Variants in FGF14 observed in about 807,000 individuals in gnomAD.
The protein encoded by FGF14 is fibroblast growth factor 14.
In FGF14, 5 loss-of-function variants were observed where a neutral mutation model predicts 25.5. That is an observed-to-expected ratio of 0.20 (90% CI 0.10 to 0.41). The LOEUF (loss-of-function observed/expected upper bound fraction) is 0.41, where lower values mean the gene tolerates loss of function less well. FGF14 is among the 10% of genes least tolerant of loss of function. FGF14 has a pLI of 1.00. For synonymous variants in FGF14, 138 were observed against 118.3 expected (o/e 1.17, Z -1.08); for missense variants, 222 against 320.1 (o/e 0.69, Z 2.34).
intron 3 of FGF14, among the ~76,000 whole-genome samples, chr13:101,814,335 G>A (rs2041725319): frequency 6.6e-6 from 1 of 152,176 alleles, no homozygotes; most frequent in African/African-American, 2.4e-5. Flanking sequence ...ACTGTAGGAA[G>A]AAAGAGAATG....
intron 3 of FGF14, among the ~76,000 whole-genome samples, chr13:101,851,627 G>A (rs1010876307): frequency 2.0e-5 from 3 of 152,068 alleles, no homozygotes; most frequent in Non-Finnish European, 4.4e-5. Context: ...TTCAACCTAT[G>A]CCTCTGGCTT....
At chr13:102,032,909 C>A (rs547145965) in intron 1 of FGF14, among the ~76,000 whole-genome samples, 1 of 152,094 alleles carries the variant, frequency 6.6e-6, no homozygotes, top group Non-Finnish European at 1.5e-5. Context: ...CTTCATGAAG[C>A]CTACCTGAGA....
At chr13:102,092,631 T>A (rs2044215841) in intron 1 of FGF14, among the ~76,000 whole-genome samples, 1 of 152,166 alleles carries the variant, frequency 6.6e-6, no homozygotes, top group African/African-American at 2.4e-5. Flanking sequence ...TATAAACACA[T>A]TTTACAATCA....
intron 3 of FGF14, among the ~76,000 whole-genome samples, chr13:101,867,912 ACACACACACACACACACACACACGCG>A (rs2044805813): frequency 6.7e-6 from 1 of 149,754 alleles, no homozygotes; most frequent in African/African-American, 2.5e-5. Context: ...ACACACACAC[ACACACACACACACACACACACACGCG>A]CACACACACA....
chr13:102,187,959 T>C (rs1416263619), intron 1 of FGF14, among the ~76,000 whole-genome samples: 1 of 152,220 alleles, frequency 6.6e-6, no homozygotes, highest in Admixed American at 6.5e-5. Context: ...ATAAGGACAG[T>C]TGAAAGATAA....
chr13:102,155,735 A>T (rs1272516975), intron 1 of FGF14, among the ~76,000 whole-genome samples: 2 of 148,620 alleles, frequency 1.3e-5, no homozygotes, highest in East Asian at 2.0e-4. Flanking sequence ...TGGTTTTTTT[A>T]AAAGATCAAC....
At chr13:102,134,174 T>G (rs2046314823) in intron 1 of FGF14, among the ~76,000 whole-genome samples, 1 of 152,170 alleles carries the variant, frequency 6.6e-6, no homozygotes, top group South Asian at 2.1e-4. Flanking sequence ...AGTGCAGGTG[T>G]CATGCATTCT....
chr13:102,234,731 A>G (rs2051251825), intron 1 of FGF14, among the ~76,000 whole-genome samples: 2 of 152,204 alleles, frequency 1.3e-5, no homozygotes, highest in South Asian at 4.1e-4. Flanking sequence ...TATATGTCAG[A>G]CACATTGAAT....
chr13:101,961,110 C>T (rs1445992051), intron 1 of FGF14, among the ~76,000 whole-genome samples: 1 of 152,076 alleles, frequency 6.6e-6, no homozygotes, highest in Non-Finnish European at 1.5e-5. Context: ...GGATAAATTG[C>T]AAAAGCTCTC....
chr13:101,952,419 T>TG (rs1594811284), intron 1 of FGF14, among the ~76,000 whole-genome samples: 1 of 152,114 alleles, frequency 6.6e-6, no homozygotes, highest in Middle Eastern at 3.4e-3. Context: ...GCTACTTTTT[T>TG]TTTTTTCTGT....
chr13:102,339,135 C>T (rs1268448397), intron 1 of FGF14, among the ~76,000 whole-genome samples: 1 of 151,882 alleles, frequency 6.6e-6, no homozygotes, highest in East Asian at 1.9e-4. Context: ...GTGAACACCC[C>T]GTTTTCCATG....
intron 1 of FGF14, among the ~76,000 whole-genome samples, chr13:102,228,812 C>G (rs1356191808): frequency 3.3e-5 from 5 of 152,144 alleles, no homozygotes; most frequent in Non-Finnish European, 7.3e-5. Context: ...ATACTGTCTT[C>G]TAAACATAGC....
chr13:101,955,885 A>G (rs2036482270), intron 1 of FGF14, among the ~76,000 whole-genome samples: 1 of 152,234 alleles, frequency 6.6e-6, no homozygotes, highest in South Asian at 2.1e-4. Flanking sequence ...TTTAAAAGAT[A>G]AATCTCAGAT....
At chr13:101,898,225 CA>C (rs1438280314) in intron 1 of FGF14, among the ~76,000 whole-genome samples, 4 of 151,966 alleles carry the variant, frequency 2.6e-5, no homozygotes, top group African/African-American at 9.7e-5. Context: ...GATCTTCAAA[CA>C]GTAAGAATAG....
intron 1 of FGF14, among the ~76,000 whole-genome samples, chr13:102,270,187 G>T (rs2053180976): frequency 1.3e-5 from 2 of 151,742 alleles, no homozygotes; most frequent in Admixed American, 6.6e-5. Context: ...AAAAATAAAA[G>T]AACCATATTC....
At chr13:101,798,159 T>C (rs1056015752) in intron 3 of FGF14, among the ~76,000 whole-genome samples, 3 of 152,126 alleles carry the variant, frequency 2.0e-5, no homozygotes, top group Admixed American at 2.0e-4. Context: ...TGAATCGCTA[T>C]GTTTTTCTAT....
chr13:101,975,370 C>T (rs181374963), intron 1 of FGF14, among the ~76,000 whole-genome samples: 1 of 152,250 alleles, frequency 6.6e-6, no homozygotes, highest in Non-Finnish European at 1.5e-5. Context: ...TCGCTTATGC[C>T]TGACCCCCCA....
intron 1 of FGF14, among the ~76,000 whole-genome samples, chr13:102,279,397 C>T (rs2053714268): frequency 6.6e-6 from 1 of 152,128 alleles, no homozygotes; most frequent in South Asian, 2.1e-4. Context: ...TAAACTAACA[C>T]TACAACTAGC....
chr13:101,898,588 A>T (rs1175439521), intron 1 of FGF14, among the ~76,000 whole-genome samples: 2 of 152,166 alleles, frequency 1.3e-5, no homozygotes, highest in Non-Finnish European at 2.9e-5. Flanking sequence ...TAAGAAAAAC[A>T]TCCTCTCTAT....
Sources: allele counts gnomAD v4.1 joint callset (sites outside exome capture counted in the v4.1 genomes callset), GRCh38; gene constraint gnomAD v4.1.1; transcripts MANE v1.5; gene names NCBI Gene and HGNC (gene_info 2026-07-23, HGNC 2026-07-21).